The following CDH20 variants were observed in gnomAD, a reference collection of about 807,000 sequenced individuals.
CDH20 encodes the protein cadherin-20.
In CDH20, 29 loss-of-function variants were observed where a neutral mutation model predicts 74.2. The ratio of observed to expected loss-of-function variants is 0.39; its 90% CI spans 0.29 to 0.53. The LOEUF is 0.53. Among genes scored for constraint, CDH20 ranks in the 20% least tolerant of loss-of-function variants. The probability of loss-of-function intolerance (pLI) is 0.69; values close to 1 mark genes in which losing one functional copy is unlikely to be tolerated. For missense variants in CDH20, 988 were observed against 1,048.3 expected, an observed-to-expected ratio of 0.94 and a Z score of 0.79; for synonymous variants, 469 against 405.4, an observed-to-expected ratio of 1.16 and a Z score of -1.88.
At chr18:61,498,637 G>A (rs995077706) in intron 2 of CDH20, among the ~76,000 whole-genome samples, 5 of 152,116 alleles carry the variant, frequency 3.3e-5, no homozygotes, top group African/African-American at 1.2e-4. Context: ...TACAGAACTA[G>A]GATCACAGAA....
rs1156347259 is a variant in CDH20, at chr18:61,361,078, T to G, written c.-153+27251T>G. Among the ~76,000 whole-genome samples the G allele has an allele frequency of 2.0e-5, 3 of 152,252 alleles. No individual in the cohort carries two copies. The East Asian group carries it at 5.8e-4, about 29-fold the overall frequency. On this transcript the variant is annotated intron_variant, in intron 1 of 11. Transcript: ENST00000262717. ...TTATCATTCAGACAGATTATTTTTCTGAACATATGTAACAAACCCTGTATG... is the reference window on the plus strand; with the variant it reads ...TTATCATTCAGACAGATTATTTTTCGGAACATATGTAACAAACCCTGTATG...
chr18:61,430,349 G>A (rs1913214152), intron 1 of CDH20, among the ~76,000 whole-genome samples: 1 of 152,134 alleles, frequency 6.6e-6, no homozygotes, highest in African/African-American at 2.4e-5. Flanking sequence ...GAAGACCACA[G>A]AGGTAAAGTA....
intron 1 of CDH20, among the ~76,000 whole-genome samples, chr18:61,444,371 T>G (rs768512585): frequency 6.6e-6 from 1 of 152,172 alleles, no homozygotes; most frequent in Non-Finnish European, 1.5e-5. Flanking sequence ...CATATATCTT[T>G]CTTGGGAACT....
chr18:61,545,616 AAGAT>A lies in CDH20; in HGVS notation c.1648+476_1648+479del, dbSNP rs144580902. Reference sequence around the variant, plus strand: ...CTGTAACAACGGGAAAAATCTGAGAAAGATAGAAAGTGATCTAGGATAAAAAATA... The same window carrying A: ...CTGTAACAACGGGAAAAATCTGAGAAAGAAAGTGATCTAGGATAAAAAATA... On this transcript the variant is annotated intron_variant, in intron 10 of 11. Transcript: ENST00000262717. 2.2e-3 allele frequency among the ~76,000 whole-genome samples: 328 copies of A among 152,328 alleles called. 11 individuals are homozygous for A. In the East Asian group the frequency reaches 0.045, roughly 21 times the overall value.
At chr18:61,513,102 G>A (rs868519633) in intron 6 of CDH20, among the ~76,000 whole-genome samples, 3 of 150,408 alleles carry the variant, frequency 2.0e-5, no homozygotes, top group South Asian at 4.2e-4. Context: ...TGACAGTGGG[G>A]TGTTAAAGTC....
intron 1 of CDH20, among the ~76,000 whole-genome samples, chr18:61,423,233 C>T (rs564494957): frequency 6.6e-6 from 1 of 152,260 alleles, no homozygotes; most frequent in Non-Finnish European, 1.5e-5. Flanking sequence ...ATACAGAGCA[C>T]AGGGATAAGG....
In CDH20 at chr18:61,554,998, C is replaced by A; in HGVS notation, c.*303C>A. 1 of 1,216,296 alleles carries A rather than the reference C, an allele frequency of 8.2e-7. No homozygotes were observed. The highest frequency in any genetic ancestry group is 1.0e-6 in the Non-Finnish European group (1 of 973,140). The allele number at this position is 1,216,296 out of a possible 1,614,324, so 75.3% of individuals were successfully genotyped here. On this transcript the variant is annotated 3_prime_UTR_variant, in exon 12 of 12. Coordinates refer to ENST00000262717, the MANE Select transcript of CDH20 (RefSeq NM_031891.4). Reference sequence around the variant, plus strand: ...TTCTGACAAGGGTGGCTTTTCTCTGCCATTCGCTAAGGCCTTTGTCACTTT... The same window carrying A: ...TTCTGACAAGGGTGGCTTTTCTCTGACATTCGCTAAGGCCTTTGTCACTTT...
chr18:61,535,433 G>A (rs1912788693), intron 7 of CDH20, among the ~76,000 whole-genome samples: 1 of 152,136 alleles, frequency 6.6e-6, no homozygotes, highest in Non-Finnish European at 1.5e-5. Flanking sequence ...ATCCCTTATG[G>A]AGGGTTTTTA....
chr18:61,479,258 G>A (rs1195523358), intron 1 of CDH20, among the ~76,000 whole-genome samples: 12 of 151,806 alleles, frequency 7.9e-5, no homozygotes, highest in Admixed American at 5.9e-4. Flanking sequence ...TATAATAAAA[G>A]GAAAAACCAT....
chr18:61,554,066 G>A (rs1383142260), intron 11 of CDH20, 124 bp from the exon 12 acceptor site: 2 of 1,155,098 alleles, frequency 1.7e-6, no homozygotes, highest in East Asian at 5.0e-5. Flanking sequence ...ATATCCAAAA[G>A]CTATCTCTGA....
rs1290237061 is a variant in CDH20, at chr18:61,459,842, T to G, written c.-152-30560T>G. On this transcript the variant is annotated intron_variant, in intron 1 of 11. Coordinates refer to ENST00000262717, the MANE Select transcript of CDH20 (RefSeq NM_031891.4). The stretch of plus-strand genomic sequence containing the variant: ...ACTAGGAATACTCTAATCATTCCTC[T>G]TAGGAGAGAATGGTGCTATACTGAC... 2.0e-5 allele frequency among the ~76,000 whole-genome samples: 3 copies of G among 152,156 alleles called. No homozygotes were observed. The East Asian group carries it at 5.8e-4, about 29-fold the overall frequency.
intron 1 of CDH20, among the ~76,000 whole-genome samples, chr18:61,468,101 C>A (rs1910030334): frequency 6.6e-6 from 1 of 152,128 alleles, no homozygotes; most frequent in Admixed American, 6.5e-5. Context: ...AGTTGTCTCC[C>A]CTGGAGAATG....
At chr18:61,552,988 G>A (rs1030548044) in intron 11 of CDH20, among the ~76,000 whole-genome samples, 16 of 151,950 alleles carry the variant, frequency 1.1e-4, no homozygotes, top group Non-Finnish European at 2.1e-4. Context: ...TTGCACACAG[G>A]GAAAATACAC....
chr18:61,490,312 T>C (rs1441297064), intron 1 of CDH20, 90 bp from the exon 2 acceptor site: 1 of 458,956 alleles, frequency 2.2e-6, no homozygotes, highest in East Asian at 3.9e-5. Flanking sequence ...AGTAGAAAGT[T>C]GAATATTTAC....
At chr18:61,342,917 C>G (rs1465832550) in intron 1 of CDH20, among the ~76,000 whole-genome samples, 1 of 151,968 alleles carries the variant, frequency 6.6e-6, no homozygotes, top group Non-Finnish European at 1.5e-5. Context: ...CAGGTTTTTC[C>G]CTACTAAACT....
intron 1 of CDH20, among the ~76,000 whole-genome samples, chr18:61,440,678 C>A (rs568526266): frequency 6.6e-6 from 1 of 152,138 alleles, no homozygotes; most frequent in Non-Finnish European, 1.5e-5. Context: ...GGCGTCTCAA[C>A]GTCTGGGAGC....
At chr18:61,520,110 A>T (rs1204400390) in intron 6 of CDH20, among the ~76,000 whole-genome samples, 19 of 150,684 alleles carry the variant, frequency 1.3e-4, no homozygotes, top group Admixed American at 1.3e-3. Flanking sequence ...AGGTCAGGAG[A>T]TCAAGACCAT....
intron 9 of CDH20, among the ~76,000 whole-genome samples, chr18:61,542,218 G>A (rs945800810): frequency 6.6e-6 from 1 of 152,166 alleles, no homozygotes; most frequent in African/African-American, 2.4e-5. Flanking sequence ...GGCAGGATAG[G>A]ACAGGAGGGT....
intron 7 of CDH20, among the ~76,000 whole-genome samples, chr18:61,534,344 A>G (rs1421589801): frequency 6.6e-6 from 1 of 152,240 alleles, no homozygotes; most frequent in Non-Finnish European, 1.5e-5. Context: ...AACTAAAAAG[A>G]GAATTACCAT....
Sources: allele counts gnomAD v4.1 joint callset (sites outside exome capture counted in the v4.1 genomes callset), GRCh38; gene constraint gnomAD v4.1.1; transcripts MANE v1.5; gene names NCBI Gene and HGNC (gene_info 2026-07-23, HGNC 2026-07-21).